ZBTB7B: variants seen among roughly 807,000 people sequenced by gnomAD.
The protein encoded by ZBTB7B is zinc finger and BTB domain containing 7B, also known as zinc finger and BTB domain-containing protein 7B.
A neutral mutation model predicts 31.0 loss-of-function variants in ZBTB7B; 8 were observed. That is an observed-to-expected ratio of 0.26 (90% CI 0.15 to 0.47). The LOEUF (loss-of-function observed/expected upper bound fraction) is 0.47. Among genes scored for constraint, ZBTB7B ranks in the 20% least tolerant of loss-of-function variants. The pLI is 0.99. For missense variants in ZBTB7B, 494 were observed against 742.4 expected, an observed-to-expected ratio of 0.67 and a Z score of 3.89; for synonymous variants, 261 against 307.3, an observed-to-expected ratio of 0.85 and a Z score of 1.58.
rs778221494 is a variant in ZBTB7B at position 155,015,532 on chromosome 1, C to T, written c.872C>T (p.Ala291Val). The change falls in exon 2 of 3, where the codon GCG becomes GTG. Residue 291 changes from alanine to valine, a missense_variant. Ala to Val is a moderately conservative substitution (Grantham distance 64). Transcript: ENST00000535420. The stretch of plus-strand genomic sequence containing the variant: ...GTATATCCCCCAGCCTATGGGCTGG[C>T]GCAGGGTGGCGGGCCCCCGCTGTCC... ...ELVYPPAYGL[A>V]QGGGPPLSPE... 8.7e-6 allele frequency: 14 copies of T among 1,613,770 alleles called. No individual in the cohort carries two copies. The highest frequency in any genetic ancestry group is 3.3e-4 in the Middle Eastern group (2 of 5,994).
rs150139180 is a variant in ZBTB7B, at chr1:155,010,810, T to TG, written c.-6-3838dup. 4.1e-3 allele frequency: 3,519 copies of TG among 856,602 alleles called. 8 individuals are homozygous for TG. The highest frequency in any genetic ancestry group is 5.5e-3 in the Non-Finnish European group (3,023 of 552,170). 53.1% of individuals were successfully genotyped at this position (856,602 alleles called of 1,614,324 possible). A position where few individuals can be genotyped will look rare whatever the true frequency, so the allele number is the denominator to read the frequency against. ...AGAGAACCTGAGGCTGGAGTTGGGG[T>TG]GGGGGGGTGGAGGGAGAAAGGAGAC... On this transcript the variant is annotated intron_variant, in intron 1 of 2. Coordinates refer to ENST00000535420, the MANE Select transcript of ZBTB7B (RefSeq NM_001256455.2).
upstream of ZBTB7B, among the ~76,000 whole-genome samples, chr1:155,001,905 C>G (rs536289199): frequency 6.6e-6 from 1 of 152,084 alleles, no homozygotes; most frequent in South Asian, 2.1e-4. This position sits in a 1 kb window ranked among gnomAD's most constrained non-coding sequence, Gnocchi z 4.8. Context: ...CTCCCCCTCC[C>G]CCTCCCTTCT....
rs1267927769 is a variant in ZBTB7B, at chr1:155,014,727, T to C, written c.67T>C (p.Cys23Arg). The C allele has an allele frequency of 5.6e-6, 9 of 1,614,222 alleles. No individual in the cohort carries two copies. Among genetic ancestry groups the C allele is most frequent in the Non-Finnish European group, 7.6e-6 (9 of 1,180,034 alleles). ...FPDHSSELLSCLNEQRQLGHL... is the reference protein window; with the variant it reads ...FPDHSSELLSRLNEQRQLGHL... ...GGACCACAGCAGTGAGCTCCTGAGCTGCCTCAATGAGCAGCGCCAGCTGGG... is the reference window on the plus strand; with the variant it reads ...GGACCACAGCAGTGAGCTCCTGAGCCGCCTCAATGAGCAGCGCCAGCTGGG... Residue 23 changes from cysteine to arginine, a missense_variant, in exon 2 of 3, where the codon TGC becomes CGC. Transcript: ENST00000535420.
rs374238373 is a variant in ZBTB7B at position 155,015,710 on chromosome 1, C to T, written c.1050C>T (p.Val350=). 1.2e-6 allele frequency: 2 copies of T among 1,612,504 alleles called. No homozygotes were observed. The highest frequency in any genetic ancestry group is 2.1e-4 in the Middle Eastern group (1 of 4,806). The change falls in exon 2 of 3, where the codon GTC becomes GTT. Residue 350 remains valine, a synonymous_variant. Transcript: ENST00000535420. ...RRSQMPQECP[V]CHKIIHGAGK... ...CCCAGATGCCTCAGGAGTGCCCTGT[C>T]TGCCACAAGATCATCCATGGGGCAG...
Position 155,016,050 on chromosome 1 carries a change from T to A in ZBTB7B, c.1155-170T>A, listed in dbSNP as rs377607684. 6.6e-6 allele frequency among the ~76,000 whole-genome samples: 1 copy of A among 151,966 alleles called. No homozygotes were observed. The highest frequency in any genetic ancestry group is 1.5e-5 in the Non-Finnish European group (1 of 67,966). ...GTGCTGGAAGCAGAGGAGTGGATAA[T>A]GACAAGGCCTAGTTAAGCTAGAGGT... On this transcript the variant is annotated intron_variant, in intron 2 of 2. Transcript: ENST00000535420. This position sits in a 1 kb window ranked among gnomAD's most constrained non-coding sequence, Gnocchi z 4.3.
At chr1:155,009,034 T>C (rs1405162123) in intron 1 of ZBTB7B, among the ~76,000 whole-genome samples, 1 of 152,218 alleles carries the variant, frequency 6.6e-6, no homozygotes, top group Non-Finnish European at 1.5e-5. Context: ...CAGGGGGGCT[T>C]GGAGGCCTAG....
chr1:155,003,318 G>T lies in ZBTB7B; in HGVS notation c.-7+375G>T, dbSNP rs1658350123. Among the ~76,000 whole-genome samples, 1 of 152,048 alleles carries T rather than the reference G, an allele frequency of 6.6e-6. No homozygotes were observed. Among genetic ancestry groups the T allele is most frequent in the Non-Finnish European group, 1.5e-5 (1 of 67,986 alleles). On this transcript the variant is annotated intron_variant, in intron 1 of 2. Coordinates refer to ENST00000535420, the MANE Select transcript of ZBTB7B (RefSeq NM_001256455.2). This position sits in a 1 kb window ranked among gnomAD's most constrained non-coding sequence, Gnocchi z 5.8. ...GACCCCAGACCGGACTGAGTTGAGG[G>T]AATGGAAACGCTGACGGACTCTAAC...
chr1:155,015,676 A>G lies in ZBTB7B; in HGVS notation c.1016A>G (p.Lys339Arg), dbSNP rs1483716213. The G allele has an allele frequency of 6.2e-7, 1 of 1,612,970 alleles. No homozygotes were observed. Among genetic ancestry groups the G allele is most frequent in the Non-Finnish European group, 8.5e-7 (1 of 1,180,018 alleles). The change falls in exon 2 of 3, where the codon AAA becomes AGA. Residue 339 changes from lysine (K) to arginine (R), a missense_variant. Around this residue, in one of 5 missense-constraint regions of ZBTB7B, gnomAD observed 61 missense variants for 170.0 expected, o/e 0.36. Transcript: ENST00000535420. The stretch of plus-strand genomic sequence containing the variant: ...GACAGCCAAGACAAGCTGGTGCGCA[A>G]ACGCCGCTCCCAGATGCCTCAGGAG... ...GLDSQDKLVR[K>R]RRSQMPQECP...
intron 1 of ZBTB7B, chr1:155,011,023 C>A: frequency 6.5e-7 from 1 of 1,533,324 alleles, no homozygotes; most frequent in Non-Finnish European, 8.7e-7. Context: ...GAGGTAGGGG[C>A]CTTGGAACCT....
upstream of ZBTB7B, among the ~76,000 whole-genome samples, chr1:155,002,281 C>T (rs1301101363): frequency 7.1e-6 from 1 of 141,404 alleles, no homozygotes; most frequent in Non-Finnish European, 1.6e-5. Flanking sequence ...GGATGGGGGC[C>T]GGGGGCGGAG....
chr1:155,005,507 G>A (rs1178190627), intron 1 of ZBTB7B, among the ~76,000 whole-genome samples: 1 of 152,172 alleles, frequency 6.6e-6, no homozygotes, highest in African/African-American at 2.4e-5. Flanking sequence ...CAATTCTTCT[G>A]GCCCAAGACC....
At chr1:155,008,065 C>G (rs990005202) in intron 1 of ZBTB7B, among the ~76,000 whole-genome samples, 9 of 152,150 alleles carry the variant, frequency 5.9e-5, no homozygotes, top group Admixed American at 5.2e-4. Flanking sequence ...ACCCAACCGG[C>G]CAGGGTGGCA....
In ZBTB7B at chr1:155,017,909, T is replaced by C. The variant is rs966252735; in HGVS notation, c.*1224T>C. On this transcript the variant is annotated 3_prime_UTR_variant, in exon 3 of 3. Coordinates refer to ENST00000535420, the MANE Select transcript of ZBTB7B (RefSeq NM_001256455.2). The stretch of plus-strand genomic sequence containing the variant: ...AATAATCCCCACTCTGCTCTTAGGA[T>C]TGAATCCACCCCCATTCTGTACATA... 1.3e-5 allele frequency: 2 copies of C among 152,872 alleles called. No homozygotes were observed. Among genetic ancestry groups the C allele is most frequent in the African/African-American group, 4.8e-5 (2 of 41,464 alleles). 9.5% of individuals were successfully genotyped at this position (152,872 alleles called of 1,614,324 possible).
intron 1 of ZBTB7B, among the ~76,000 whole-genome samples, chr1:155,005,211 AG>A (rs1436210600): frequency 6.7e-6 from 1 of 148,790 alleles, no homozygotes; most frequent in Non-Finnish European, 1.5e-5. Flanking sequence ...GGGGCCCAGC[AG>A]GCATGGGGGG....
Position 155,014,748 on chromosome 1 carries a change from C to T in ZBTB7B, c.88C>T (p.Leu30=). The change falls in exon 2 of 3, where the codon CTG becomes TTG. Residue 30 remains leucine (L), a synonymous_variant. Transcript: ENST00000535420. ...GAGCTGCCTCAATGAGCAGCGCCAG[C>T]TGGGCCACCTATGTGACCTCACCAT... is the stretch of plus-strand genomic sequence containing the variant. ...LLSCLNEQRQ[L]GHLCDLTIRT... is the part of the protein sequence containing the mutation. 1.2e-6 allele frequency: 2 copies of T among 1,614,234 alleles called. No individual in the cohort carries two copies. Among genetic ancestry groups the T allele is most frequent in the Non-Finnish European group, 1.7e-6 (2 of 1,180,044 alleles).
intron 1 of ZBTB7B, among the ~76,000 whole-genome samples, chr1:155,008,066 C>A (rs915395772): frequency 6.6e-6 from 1 of 152,116 alleles, no homozygotes; most frequent in Admixed American, 6.5e-5. Flanking sequence ...CCCAACCGGC[C>A]AGGGTGGCAG....
At position 155,003,750 on chromosome 1, in the gene ZBTB7B, T is replaced by G. The variant is rs1173402736; in HGVS notation, c.-7+807T>G. Among the ~76,000 whole-genome samples the G allele has an allele frequency of 6.6e-6, 1 of 152,176 alleles. No homozygotes were observed. The highest frequency in any genetic ancestry group is 1.5e-5 in the Non-Finnish European group (1 of 68,010). On this transcript the variant is annotated intron_variant, in intron 1 of 2. Transcript: ENST00000535420. The surrounding 1 kb of genome is among the most constrained non-coding windows in gnomAD (Gnocchi z 5.8). ...GCCCAGAGTGGGGGTCGCTACTGTG[T>G]TGTTGTAGAACCTACAGAGTGCGCC...
rs140715017 is a variant in ZBTB7B at position 155,015,068 on chromosome 1, T to G, written c.408T>G (p.Ala136=). 6.2e-7 allele frequency: 1 copy of G among 1,613,722 alleles called. No homozygotes were observed. Among genetic ancestry groups the G allele is most frequent in the African/African-American group, 1.3e-5 (1 of 74,896 alleles). The part of the protein sequence containing the change: ...RLLEIPCVIA[A]CMEILQGSGL... ...TGGAGATCCCGTGTGTCATCGCTGC[T>G]TGCATGGAGATTCTGCAGGGCAGTG... Residue 136 remains alanine, a synonymous_variant, in exon 2 of 3, where the codon GCT becomes GCG. Transcript: ENST00000535420.
Position 155,015,514 on chromosome 1 carries a change from C to A in ZBTB7B, c.854C>A (p.Pro285His), listed in dbSNP as rs754518047. 13 of 1,613,766 alleles carry A rather than the reference C, an allele frequency of 8.1e-6. No homozygotes were observed. Among genetic ancestry groups the A allele is most frequent in the Non-Finnish European group, 1.0e-5 (12 of 1,179,906 alleles). Residue 285 changes from proline (P) to histidine (H), a missense_variant, in exon 2 of 3, where the codon CCC (proline) becomes CAC (histidine). Around this residue, in one of 5 missense-constraint regions of ZBTB7B, gnomAD observed 216 missense variants for 229.3 expected, o/e 0.94. Transcript: ENST00000535420. ...GEEEEEELVY[P>H]PAYGLAQGGG... ...GAAGAAGAAGAGGAGCTGGTATATC[C>A]CCCAGCCTATGGGCTGGCGCAGGGT...
Sources: allele counts gnomAD v4.1 joint callset (sites outside exome capture counted in the v4.1 genomes callset), GRCh38; gene constraint gnomAD v4.1.1; regional missense constraint gnomAD v4.1.1; non-coding constraint Gnocchi (gnomAD v3.1); transcripts MANE v1.5; gene names NCBI Gene and HGNC (gene_info 2026-07-23, HGNC 2026-07-21).